Variants in STAG1 observed in about 807,000 individuals in gnomAD.
The protein encoded by STAG1 is cohesin subunit SA-1.
A neutral mutation model predicts 170.9 loss-of-function variants in STAG1; 26 were observed. The observed-to-expected ratio is 0.15, with a 90% CI of 0.11 to 0.21. The LOEUF is 0.21. Ranked by LOEUF, STAG1 falls within the 10% of genes least tolerant of loss-of-function variation. The pLI, the probability that STAG1 is intolerant of heterozygous loss-of-function variation, is 1.00. For synonymous variants in STAG1, 514 were observed against 497.7 expected (o/e 1.03, Z -0.44); for missense variants, 964 against 1,509.5 (o/e 0.64, Z 5.99).
chr3:136,633,234 A>C (rs1672772249), intron 1 of STAG1, among the ~76,000 whole-genome samples: 2 of 152,240 alleles, frequency 1.3e-5, no homozygotes, highest in South Asian at 2.1e-4. Flanking sequence ...AAAATTAAAA[A>C]ATGTGATCAT....
chr3:136,599,611 C>G (rs1938580586), intron 4 of STAG1, among the ~76,000 whole-genome samples: 1 of 152,106 alleles, frequency 6.6e-6, no homozygotes, highest in East Asian at 1.9e-4. Context: ...ATTCTGGAAC[C>G]CTTCAATCCA....
At chr3:136,542,222 T>A (rs746716024) in intron 5 of STAG1, 27 bp from the exon 6 acceptor site, 15 of 1,540,710 alleles carry the variant, frequency 9.7e-6, no homozygotes, top group Non-Finnish European at 1.3e-5. Context: ...TTTACATTAA[T>A]CTTTCAATTA....
chr3:136,461,712 T>A (rs2089280297), intron 13 of STAG1, among the ~76,000 whole-genome samples: 1 of 152,002 alleles, frequency 6.6e-6, no homozygotes. Flanking sequence ...AATGAGATTA[T>A]ATTAAGCAAA....
intron 1 of STAG1, among the ~76,000 whole-genome samples, chr3:136,675,198 G>A (rs553387726): frequency 6.6e-6 from 1 of 152,174 alleles, no homozygotes; most frequent in Admixed American, 6.5e-5. Flanking sequence ...CTTGTCCCCA[G>A]TCAACTTCCA....
intron 1 of STAG1, among the ~76,000 whole-genome samples, chr3:136,686,946 A>G (rs1396649672): frequency 1.3e-5 from 2 of 152,180 alleles, no homozygotes; most frequent in Non-Finnish European, 2.9e-5. Flanking sequence ...AATTAGTCAC[A>G]AATTTTTGAC....
intron 22 of STAG1, among the ~76,000 whole-genome samples, chr3:136,382,098 CAATA>C (rs1259747230): frequency 4.6e-5 from 7 of 152,234 alleles, no homozygotes; most frequent in African/African-American, 1.7e-4. Context: ...TTTCATCAAA[CAATA>C]AATAATTATT....
chr3:136,728,217 T>C lies in STAG1; in HGVS notation c.-84+23978A>G, dbSNP rs143442339. Among the ~76,000 whole-genome samples the C allele has an allele frequency of 3.1e-3, 477 of 152,082 alleles. 2 individuals are homozygous for C. The highest frequency in any genetic ancestry group is 4.6e-3 in the South Asian group (22 of 4,826). On this transcript the variant is annotated intron_variant, in intron 1 of 33. Transcript: ENST00000383202. The stretch of plus-strand genomic sequence containing the variant: ...TGAATACAAGTTTACTTACACTAAA[T>C]AGTAAATTGAGTCCATGATTAGAAT...
intron 9 of STAG1, among the ~76,000 whole-genome samples, chr3:136,490,216 T>C (rs2090098242): frequency 6.6e-6 from 1 of 151,992 alleles, no homozygotes; most frequent in Admixed American, 6.6e-5. Context: ...TTTTTTTGTA[T>C]TATTAGTAGA....
intron 3 of STAG1, among the ~76,000 whole-genome samples, chr3:136,620,796 T>C (rs558459376): frequency 6.6e-6 from 1 of 152,362 alleles, no homozygotes; most frequent in East Asian, 1.9e-4. Context: ...GTTGACATTT[T>C]TTCAATACTG....
At chr3:136,428,005 G>T (rs973509783) in intron 16 of STAG1, among the ~76,000 whole-genome samples, 1 of 151,690 alleles carries the variant, frequency 6.6e-6, no homozygotes, top group African/African-American at 2.4e-5. Flanking sequence ...TCTCCAAGAC[G>T]CCATTAAGAA....
chr3:136,704,947 G>A (rs937203825), intron 1 of STAG1, among the ~76,000 whole-genome samples: 3 of 151,262 alleles, frequency 2.0e-5, no homozygotes, highest in Non-Finnish European at 2.9e-5. Context: ...CAAACACTGA[G>A]AGAACTAAAA....
intron 1 of STAG1, among the ~76,000 whole-genome samples, chr3:136,657,383 G>C (rs1941423192): frequency 6.6e-6 from 1 of 151,794 alleles, no homozygotes; most frequent in African/African-American, 2.4e-5. Flanking sequence ...ATTTTTAGTA[G>C]AGACAGGGTT....
chr3:136,343,982 A>T lies in STAG1; in HGVS notation c.3296T>A (p.Leu1099Gln). 1 of 1,596,606 alleles carries T rather than the reference A, an allele frequency of 6.3e-7. No individual in the cohort carries two copies. The highest frequency in any genetic ancestry group is 1.1e-5 in the South Asian group (1 of 87,376). ...CTGAATCATGGTGTCAGTCCTGTTT[A>T]GCCATGTGTTATCCAGACTCTCATC... ...VEDESLDNTW[L>Q]NRTDTMIQTP... Residue 1099 changes from leucine (L) to glutamine (Q), a missense_variant, in exon 30 of 34, where the codon CTA becomes CAA. By Grantham distance (113) the Leu-to-Gln change is moderately radical. Transcript: ENST00000383202.
At chr3:136,529,468 T>C (rs559936901) in intron 6 of STAG1, among the ~76,000 whole-genome samples, 1 of 152,114 alleles carries the variant, frequency 6.6e-6, no homozygotes, top group Admixed American at 6.5e-5. Context: ...CCAGAGAGAA[T>C]GGAAGGACAT....
At chr3:136,532,269 T>G (rs776922497) in intron 6 of STAG1, among the ~76,000 whole-genome samples, 7 of 152,188 alleles carry the variant, frequency 4.6e-5, no homozygotes, top group Non-Finnish European at 1.0e-4. Flanking sequence ...CTGTTGACTT[T>G]GGTTTGCTAG....
intron 9 of STAG1, among the ~76,000 whole-genome samples, chr3:136,497,221 T>C (rs1418367948): frequency 1.3e-5 from 2 of 151,268 alleles, no homozygotes; most frequent in South Asian, 2.1e-4. Flanking sequence ...GAGAATACAC[T>C]GTAACTCAAT....
At chr3:136,605,478 T>C (rs544554541) in intron 3 of STAG1, among the ~76,000 whole-genome samples, 7 of 152,350 alleles carry the variant, frequency 4.6e-5, no homozygotes, top group African/African-American at 1.2e-4. Flanking sequence ...GACACCAACG[T>C]TGCTAAATGC....
At chr3:136,490,437 G>T (rs1031565755) in intron 9 of STAG1, among the ~76,000 whole-genome samples, 2 of 152,270 alleles carry the variant, frequency 1.3e-5, no homozygotes, top group Non-Finnish European at 1.5e-5. Flanking sequence ...AAAATACACA[G>T]AAAGGCACTG....
chr3:136,531,367 C>G (rs553411529), intron 6 of STAG1, among the ~76,000 whole-genome samples: 5 of 151,136 alleles, frequency 3.3e-5, no homozygotes, highest in Admixed American at 2.0e-4. Flanking sequence ...CCTCAGGGAT[C>G]TAGAACTGGA....
Sources: allele counts gnomAD v4.1 joint callset (sites outside exome capture counted in the v4.1 genomes callset), GRCh38; gene constraint gnomAD v4.1.1; transcripts MANE v1.5; gene names NCBI Gene and HGNC (gene_info 2026-07-23, HGNC 2026-07-21).